The following ATP9A variants were observed in gnomAD, a reference collection of about 807,000 sequenced individuals.
The protein encoded by ATP9A is probable phospholipid-transporting ATPase IIA.
Under a neutral mutation model 144.1 loss-of-function variants are expected in ATP9A, and 52 were observed. That is an observed-to-expected ratio of 0.36 (90% CI 0.29 to 0.45). The LOEUF is 0.45. Ranked by LOEUF, ATP9A falls within the 20% of genes least tolerant of loss-of-function variation. ATP9A has a pLI of 1.00. For missense variants in ATP9A, 947 were observed against 1,392.7 expected, an observed-to-expected ratio of 0.68 and a Z score of 5.09; for synonymous variants, 582 against 557.4, an observed-to-expected ratio of 1.04 and a Z score of -0.62.
chr20:51,727,232 G>A (rs1275721902), intron 2 of ATP9A, among the ~76,000 whole-genome samples: 2 of 150,668 alleles, frequency 1.3e-5, no homozygotes, highest in Non-Finnish European at 2.9e-5. Flanking sequence ...CTGAGATCGC[G>A]CCACTACACT....
chr20:51,625,481 G>GCT, intron 17 of ATP9A, 119 bp from the exon 18 acceptor site: 1 of 1,209,040 alleles, frequency 8.3e-7, no homozygotes, highest in Non-Finnish European at 1.1e-6. Context: ...GGGGACCCCA[G>GCT]CAGGTGAGCT....
In ATP9A at chr20:51,622,127, C is replaced by T. The variant is rs754881577; in HGVS notation, c.2062G>A (p.Ala688Thr). 2 of 1,614,154 alleles carry T rather than the reference C, an allele frequency of 1.2e-6. No individual in the cohort carries two copies. The highest frequency in any genetic ancestry group is 2.2e-5 in the South Asian group (2 of 91,080). The change falls in exon 19 of 28, where the codon GCG (alanine) becomes ACG (threonine). Residue 688 changes from alanine to threonine, a missense_variant. Coordinates refer to ENST00000338821, the MANE Select transcript of ATP9A (RefSeq NM_006045.3). ...GDKLETATCT[A>T]KNAHLVTRNQ... The stretch of plus-strand genomic sequence containing the variant: ...CTGGTCACCAGATGTGCATTCTTCG[C>T]TGTGCACGTAGCTGTCTCCAGCTTG...
chr20:51,656,831 T>G (rs2077388668), intron 14 of ATP9A, 107 bp downstream of exon 14: 1 of 1,019,930 alleles, frequency 9.8e-7, no homozygotes, highest in Non-Finnish European at 1.5e-6. Context: ...TGCATCATCC[T>G]GGCTCCTGTC....
intron 23 of ATP9A, among the ~76,000 whole-genome samples, chr20:51,613,158 T>C (rs1357440807): frequency 1.3e-5 from 2 of 152,198 alleles, no homozygotes; most frequent in Non-Finnish European, 1.5e-5. Context: ...CTTAGCCTGA[T>C]GCCTAAGGTA....
At chr20:51,684,010 C>T (rs1236478424) in intron 9 of ATP9A, among the ~76,000 whole-genome samples, 1 of 151,882 alleles carries the variant, frequency 6.6e-6, no homozygotes, top group African/African-American at 2.4e-5. Flanking sequence ...ATGGCAAAAC[C>T]CTGTCTCTAC....
chr20:51,623,801 A>AAAAAAAAAAAAAAAAAAGAAAG (rs558189054), intron 18 of ATP9A, among the ~76,000 whole-genome samples: 1 of 133,390 alleles, frequency 7.5e-6, no homozygotes, highest in African/African-American at 3.0e-5. Flanking sequence ...AAAAAAAAAA[A>AAAAAAAAAAAAAAAAAAGAAAG]AAAGAAAGAA....
chr20:51,656,593 T>C (rs1387996092), intron 14 of ATP9A, among the ~76,000 whole-genome samples: 1 of 152,052 alleles, frequency 6.6e-6, no homozygotes, highest in Non-Finnish European at 1.5e-5. Context: ...TTTAAATAGG[T>C]AGACTGTATG....
At chr20:51,701,623 A>G (rs886595528) in intron 4 of ATP9A, among the ~76,000 whole-genome samples, 5 of 152,122 alleles carry the variant, frequency 3.3e-5, no homozygotes, top group African/African-American at 1.2e-4. Flanking sequence ...ACTGTACCCA[A>G]CTGTCCATCA....
chr20:51,725,649 G>T (rs556489273), intron 3 of ATP9A, among the ~76,000 whole-genome samples, 170 bp downstream of exon 3: 3 of 152,202 alleles, frequency 2.0e-5, no homozygotes, highest in Non-Finnish European at 2.9e-5. Context: ...GGCGGTATAT[G>T]AAATGGAGCT....
At chr20:51,762,109 A>C (rs1197748896) in intron 1 of ATP9A, among the ~76,000 whole-genome samples, 1 of 152,114 alleles carries the variant, frequency 6.6e-6, no homozygotes, top group Non-Finnish European at 1.5e-5. Flanking sequence ...TCACACCTGT[A>C]ATCTCAGCAT....
chr20:51,619,796 G>A (rs2077219054), intron 19 of ATP9A, among the ~76,000 whole-genome samples: 1 of 151,058 alleles, frequency 6.6e-6, no homozygotes, highest in Admixed American at 6.6e-5. Context: ...TTGAACCTGG[G>A]AGGTGGAGGT....
intron 3 of ATP9A, among the ~76,000 whole-genome samples, chr20:51,721,810 A>AG (rs1286831558): frequency 1.3e-5 from 2 of 150,648 alleles, no homozygotes; most frequent in African/African-American, 2.4e-5. Context: ...CAAAAAAAAA[A>AG]AAAAAGAAAA....
At chr20:51,748,497 T>C (rs912788173) in intron 1 of ATP9A, among the ~76,000 whole-genome samples, 2 of 152,216 alleles carry the variant, frequency 1.3e-5, no homozygotes, top group African/African-American at 4.8e-5. Context: ...AGTTATAAAA[T>C]GTTGGCAACT....
intron 15 of ATP9A, among the ~76,000 whole-genome samples, chr20:51,635,638 G>A (rs2077287524): frequency 6.6e-6 from 1 of 151,726 alleles, no homozygotes; most frequent in Non-Finnish European, 1.5e-5. Context: ...TTGGGAGGCT[G>A]AGGCAGGAAG....
chr20:51,617,095 C>G (rs771449738), intron 22 of ATP9A, among the ~76,000 whole-genome samples: 53 of 152,060 alleles, frequency 3.5e-4, no homozygotes, highest in Non-Finnish European at 4.9e-4. Flanking sequence ...GCACCCACCA[C>G]CATGCCCAGC....
At chr20:51,753,666 C>CTTTTTTTTT (rs67673002) in intron 1 of ATP9A, among the ~76,000 whole-genome samples, 1 of 137,250 alleles carries the variant, frequency 7.3e-6, no homozygotes, top group Non-Finnish European at 1.6e-5. Context: ...CTTTTTCTTT[C>CTTTTTTTTT]TTTTTTTTTT....
intron 4 of ATP9A, among the ~76,000 whole-genome samples, chr20:51,700,521 C>CA (rs1005888666): frequency 2.0e-5 from 3 of 151,956 alleles, no homozygotes; most frequent in Admixed American, 2.0e-4. Flanking sequence ...GACCCTGCCT[C>CA]AAAAAAGAGA....
At chr20:51,607,631 C>T in intron 25 of ATP9A, 47 bp from the exon 26 acceptor site, 1 of 1,447,634 alleles carries the variant, frequency 6.9e-7, no homozygotes, top group Non-Finnish European at 9.7e-7. Flanking sequence ...GCGGGGGGCT[C>T]ACGCAGCATG....
chr20:51,726,784 GC>G (rs2077715360), intron 2 of ATP9A, among the ~76,000 whole-genome samples: 1 of 151,598 alleles, frequency 6.6e-6, no homozygotes, highest in Admixed American at 6.6e-5. Context: ...TCCCTATGTT[GC>G]CCAGGCTGGC....
Sources: allele counts gnomAD v4.1 joint callset (sites outside exome capture counted in the v4.1 genomes callset), GRCh38; gene constraint gnomAD v4.1.1; transcripts MANE v1.5; gene names NCBI Gene and HGNC (gene_info 2026-07-23, HGNC 2026-07-21).